UVSSA: variants seen among roughly 807,000 people sequenced by gnomAD.
The protein encoded by UVSSA is UV-stimulated scaffold protein A.
In UVSSA, 72 loss-of-function variants were observed where a neutral mutation model predicts 73.9. The observed-to-expected ratio is 0.97, with a 90% CI of 0.81 to 1.19. The LOEUF (loss-of-function observed/expected upper bound fraction) is 1.19, where lower values mean the gene tolerates loss of function less well. Ranked by LOEUF, UVSSA falls within the 50% of genes most tolerant of loss-of-function variation. UVSSA has a pLI of 0.00. For synonymous variants in UVSSA, 454 were observed against 391.3 expected (o/e 1.16, Z -1.89); for missense variants, 1,150 against 965.0 (o/e 1.19, Z -2.54).
At chr4:1,356,177 G>A (rs1715711835) in intron 7 of UVSSA, among the ~76,000 whole-genome samples, 1 of 152,138 alleles carries the variant, frequency 6.6e-6, no homozygotes, top group Non-Finnish European at 1.5e-5. Flanking sequence ...GTGGCCTTTT[G>A]GCTCTCCCCA....
In UVSSA at chr4:1,354,852, G is replaced by T. The variant is rs1256266808; in HGVS notation, c.1047+5G>T. 1 of 1,595,736 alleles carries T rather than the reference G, an allele frequency of 6.3e-7. No individual in the cohort carries two copies. Among genetic ancestry groups the T allele is most frequent in the Admixed American group, 1.7e-5 (1 of 59,092 alleles). The stretch of plus-strand genomic sequence containing the variant: ...GCTGTGTGCTCGTGGATCCAGGTGA[G>T]CCTCGAACCTGGGACCTGTGGGTGG... On this transcript the variant is annotated splice_donor_5th_base_variant and intron_variant, in intron 6 of 13. Transcript: ENST00000389851.
At chr4:1,359,522 G>T (rs2878607) in intron 7 of UVSSA, 1 of 152,136 alleles carries the variant, frequency 6.6e-6, no homozygotes, top group Non-Finnish European at 1.5e-5. Flanking sequence ...AGTCAGAAAC[G>T]CATCTTAAGC....
At chr4:1,383,634 C>T (rs1719752408) in intron 12 of UVSSA, 132 bp from the exon 13 acceptor site, 3 of 1,026,412 alleles carry the variant, frequency 2.9e-6, no homozygotes, top group Non-Finnish European at 4.3e-6. Context: ...TTGCTGCTGC[C>T]AGGGTACGGC....
chr4:1,373,039 G>A (rs146592456), intron 8 of UVSSA, among the ~76,000 whole-genome samples: 11 of 152,330 alleles, frequency 7.2e-5, no homozygotes, highest in Admixed American at 2.6e-4. Context: ...TGAGGTCGTC[G>A]TCCTGTGCCT....
In UVSSA at chr4:1,367,212, C is replaced by G. The variant is rs139394077; in HGVS notation, c.1288+781C>G. On this transcript the variant is annotated intron_variant, in intron 8 of 13. Transcript: ENST00000389851. ...GGAGGGCTTAGGTTTTTCAAAAATA[C>G]CTCCCAAAACTGCGTTCCAGTGACA... Among the ~76,000 whole-genome samples, 558 of 152,274 alleles carry G rather than the reference C, an allele frequency of 3.7e-3. 5 individuals are homozygous for G. The highest frequency in any genetic ancestry group is 0.013 in the African/African-American group (540 of 41,544).
At chr4:1,342,835 C>G (rs1413571268), upstream of UVSSA, among the ~76,000 whole-genome samples, 1 of 152,216 alleles carries the variant, frequency 6.6e-6, no homozygotes. Flanking sequence ...TTCTGTTAGA[C>G]TGGCCTTTAG....
At chr4:1,349,058 T>TGGCGTTTGTGCCGGGCGGTG (rs1386701324) in intron 2 of UVSSA, among the ~76,000 whole-genome samples, 8 of 55,116 alleles carry the variant, frequency 1.5e-4, no homozygotes, top group Middle Eastern at 7.2e-3. Context: ...GCCGGGCGGT[T>TGGCGTTTGTGCCGGGCGGTG]GGCGTTTGTG....
At chr4:1,360,016 G>T (rs575817521) in intron 7 of UVSSA, among the ~76,000 whole-genome samples, 1 of 152,346 alleles carries the variant, frequency 6.6e-6, no homozygotes, top group Admixed American at 6.5e-5. Context: ...ATGAAACGTG[G>T]ACCCACCAGG....
At chr4:1,395,630 G>C (rs141444125) in exon 14 of UVSSA, 1 of 1,595,118 alleles carries the variant, frequency 6.3e-7, no homozygotes, top group Non-Finnish European at 8.5e-7. Context: ...TGGAGTGCCC[G>C]CCTGCTCACA....
Position 1,376,172 on chromosome 4 carries a change from A to T in UVSSA, c.1568+4A>T, listed in dbSNP as rs1269763207. On this transcript the variant is annotated splice_donor_region_variant and intron_variant, in intron 10 of 13. Transcript: ENST00000389851. Reference sequence around the variant, plus strand: ...CCACAGCCGGGAAGATTGTCAAGTGAGTCCCCATGTGTCTGAAGTCGGCCA... The same window carrying T: ...CCACAGCCGGGAAGATTGTCAAGTGTGTCCCCATGTGTCTGAAGTCGGCCA... 2 of 1,607,670 alleles carry T rather than the reference A, an allele frequency of 1.2e-6. No individual in the cohort carries two copies. The highest frequency in any genetic ancestry group is 2.7e-5 in the African/African-American group (2 of 74,826).
At chr4:1,366,266 T>C (rs369785437) in intron 7 of UVSSA, 54 bp from the exon 8 acceptor site, 2 of 1,394,328 alleles carry the variant, frequency 1.4e-6, no homozygotes, top group African/African-American at 1.4e-5. Flanking sequence ...CACCGGGAGC[T>C]GTGTTCATAC....
chr4:1,393,266 C>G (rs1720446433), exon 14 of UVSSA: 1 of 152,334 alleles, frequency 6.6e-6, no homozygotes, highest in African/African-American at 2.4e-5. Context: ...CTCCAAACTT[C>G]CATTTGGCTC....
chr4:1,357,603 C>T (rs1266101721), intron 7 of UVSSA, among the ~76,000 whole-genome samples: 1 of 152,260 alleles, frequency 6.6e-6, no homozygotes, highest in Non-Finnish European at 1.5e-5. Context: ...GCGAGGCCTG[C>T]AGGCTCCCAG....
upstream of UVSSA, among the ~76,000 whole-genome samples, chr4:1,344,990 G>C (rs373398682): frequency 2.0e-4 from 30 of 152,250 alleles, no homozygotes; most frequent in East Asian, 4.1e-3. Flanking sequence ...TGGGATGCAG[G>C]GGGCAGCAAA....
chr4:1,375,902 C>T (rs1718704402), intron 9 of UVSSA, 132 bp from the exon 10 acceptor site: 9 of 1,380,828 alleles, frequency 6.5e-6, no homozygotes, highest in East Asian at 2.5e-5. Context: ...GCCCAGGCGT[C>T]GTGTGGCAGA....
chr4:1,355,833 T>G (rs1451106685), intron 7 of UVSSA, among the ~76,000 whole-genome samples: 1 of 151,812 alleles, frequency 6.6e-6, no homozygotes, highest in Admixed American at 6.6e-5. Context: ...CTCTGGTGGG[T>G]GAAGCTGGGA....
exon 14 of UVSSA, chr4:1,395,521 G>A (rs13136287): frequency 9.3e-5 from 141 of 1,514,884 alleles, no homozygotes; most frequent in Middle Eastern, 1.8e-4. Flanking sequence ...CACACATGCC[G>A]ATGTGGAGTG....
chr4:1,353,824 C>T (rs778613453), intron 5 of UVSSA, among the ~76,000 whole-genome samples: 1 of 152,142 alleles, frequency 6.6e-6, no homozygotes. Context: ...GGTCCCGTGT[C>T]GCCATGAGGG....
At chr4:1,359,651 A>G (rs1293559039) in intron 7 of UVSSA, among the ~76,000 whole-genome samples, 1 of 151,960 alleles carries the variant, frequency 6.6e-6, no homozygotes, top group Non-Finnish European at 1.5e-5. Flanking sequence ...GTTGAGTCTG[A>G]TGTGGCAGCC....
Sources: allele counts gnomAD v4.1 joint callset (sites outside exome capture counted in the v4.1 genomes callset), GRCh38; gene constraint gnomAD v4.1.1; transcripts MANE v1.5; gene names NCBI Gene and HGNC (gene_info 2026-07-23, HGNC 2026-07-21).